METAP1D: variants seen among roughly 807,000 people sequenced by gnomAD.
METAP1D encodes methionyl aminopeptidase type 1D, mitochondrial.
In METAP1D, 31 loss-of-function variants were observed where a neutral mutation model predicts 40.5. That is an observed-to-expected ratio of 0.77 (90% CI 0.58 to 1.03). The LOEUF (loss-of-function observed/expected upper bound fraction) is 1.03. Among genes scored for constraint, METAP1D ranks in the 50% least tolerant of loss-of-function variants. The probability of loss-of-function intolerance (pLI) is 0.00; values close to 1 mark genes in which losing one functional copy is unlikely to be tolerated. For missense variants in METAP1D, 411 were observed against 420.7 expected (o/e 0.98, Z 0.20); for synonymous variants, 151 against 146.4 (o/e 1.03, Z -0.22).
At chr2:172,071,896 C>T (rs1303565132) in intron 6 of METAP1D, among the ~76,000 whole-genome samples, 1 of 152,140 alleles carries the variant, frequency 6.6e-6, no homozygotes, top group Non-Finnish European at 1.5e-5. Context: ...TGAAAAGATG[C>T]TGCCTTTTTT....
intron 1 of METAP1D, among the ~76,000 whole-genome samples, chr2:172,025,729 G>A (rs533900470): frequency 6.6e-6 from 1 of 152,034 alleles, no homozygotes; most frequent in African/African-American, 2.4e-5. Flanking sequence ...TTTTTTAAGA[G>A]TCTGGGTCGC....
At position 172,045,697 on chromosome 2, in the gene METAP1D, ATATGTG is replaced by A. The variant is rs57520818; in HGVS notation, c.41-15799_41-15794del. Among the ~76,000 whole-genome samples, 109 of 65,920 alleles carry A rather than the reference ATATGTG, an allele frequency of 1.7e-3. 1 individual carries two copies. The highest frequency in any genetic ancestry group is 4.8e-3 in the East Asian group (15 of 3,136). 43.2% of individuals were successfully genotyped at this position (65,920 alleles called of 152,430 possible). ...AAAAAAAAAAAAGGATCATTCATAT[ATATGTG>A]TGTGTGTGTGTGTGTGTGTGTGTGT... On this transcript the variant is annotated intron_variant, in intron 1 of 9. Coordinates refer to ENST00000315796, the MANE Select transcript of METAP1D (RefSeq NM_199227.3).
chr2:172,052,065 A>G (rs1176529697), intron 1 of METAP1D, among the ~76,000 whole-genome samples: 1 of 152,228 alleles, frequency 6.6e-6, no homozygotes, highest in Non-Finnish European at 1.5e-5. Flanking sequence ...TATTTCAGAC[A>G]AGTATTATGC....
At chr2:172,017,790 A>G (rs780553974) in intron 1 of METAP1D, among the ~76,000 whole-genome samples, 2 of 152,094 alleles carry the variant, frequency 1.3e-5, no homozygotes, top group Non-Finnish European at 1.5e-5. Flanking sequence ...CACTAGGTAA[A>G]GGAAAAGGAT....
intron 1 of METAP1D, among the ~76,000 whole-genome samples, chr2:172,035,676 G>T (rs1440651313): frequency 6.6e-6 from 1 of 151,262 alleles, no homozygotes; most frequent in Non-Finnish European, 1.5e-5. Flanking sequence ...TTGAGACAGG[G>T]TCTTCTTTGT....
At chr2:172,054,274 C>G (rs928246032) in intron 1 of METAP1D, among the ~76,000 whole-genome samples, 1 of 152,122 alleles carries the variant, frequency 6.6e-6, no homozygotes, top group Admixed American at 6.5e-5. Context: ...GTAATCCCAG[C>G]ACTTTGGGAG....
intron 5 of METAP1D, among the ~76,000 whole-genome samples, chr2:172,070,488 T>A (rs966361817): frequency 6.6e-6 from 1 of 152,218 alleles, no homozygotes; most frequent in Non-Finnish European, 1.5e-5. Flanking sequence ...CAAAATCAAG[T>A]AAGTCTTCAT....
chr2:172,077,666 T>C lies in METAP1D; in HGVS notation c.705-131T>C, dbSNP rs930119816. The C allele has an allele frequency of 4.5e-5, 24 of 534,764 alleles. No homozygotes were observed. In the Admixed American group the frequency reaches 8.2e-4, roughly 18 times the overall value. 33.1% of individuals were successfully genotyped at this position (534,764 alleles called of 1,614,324 possible). ...TTACAGCATAATGAAAACACATGAATGTTATTATCTGACTCTAAATATTAC... is the reference window on the plus strand; with the variant it reads ...TTACAGCATAATGAAAACACATGAACGTTATTATCTGACTCTAAATATTAC... On this transcript the variant is annotated intron_variant, in intron 6 of 9. Coordinates refer to ENST00000315796, the MANE Select transcript of METAP1D (RefSeq NM_199227.3).
chr2:172,080,536 TGGAAG>T lies in METAP1D; in HGVS notation c.*131_*135del. ...AACCTGCGTGGCTCCTGATAGCGTT[TGGAAG>T]AACGCGGGGGAGACTGAAGAGCAAC... On this transcript the variant is annotated 3_prime_UTR_variant, in exon 10 of 10. Coordinates refer to ENST00000315796, the MANE Select transcript of METAP1D (RefSeq NM_199227.3). 1 of 932,298 alleles carries T rather than the reference TGGAAG, an allele frequency of 1.1e-6. No individual in the cohort carries two copies. The allele number at this position is 932,298 out of a possible 1,614,324, so 57.8% of individuals were successfully genotyped here. A position where few individuals can be genotyped will look rare whatever the true frequency, so the allele number is the denominator to read the frequency against.
At chr2:172,019,389 A>T (rs955337642) in intron 1 of METAP1D, among the ~76,000 whole-genome samples, 1 of 152,142 alleles carries the variant, frequency 6.6e-6, no homozygotes, top group Non-Finnish European at 1.5e-5. Flanking sequence ...AAAATTTTCC[A>T]ACCGCAAAAC....
intron 1 of METAP1D, among the ~76,000 whole-genome samples, chr2:172,049,483 A>G (rs1689841132): frequency 6.6e-6 from 1 of 152,098 alleles, no homozygotes; most frequent in South Asian, 2.1e-4. Flanking sequence ...GTAAGCAGGC[A>G]TCTATGGAGC....
chr2:172,028,426 G>A (rs183171856), intron 1 of METAP1D, among the ~76,000 whole-genome samples: 1 of 152,330 alleles, frequency 6.6e-6, no homozygotes, highest in East Asian at 1.9e-4. Flanking sequence ...ATGGGAAGTT[G>A]AAACTATGTT....
intron 1 of METAP1D, among the ~76,000 whole-genome samples, chr2:172,031,791 A>G (rs1559001495): frequency 6.6e-6 from 1 of 152,220 alleles, no homozygotes; most frequent in Admixed American, 6.5e-5. Context: ...TGACTTAAAG[A>G]GGAGTGTTGT....
intron 1 of METAP1D, among the ~76,000 whole-genome samples, chr2:172,043,352 G>T (rs1330829845): frequency 7.6e-6 from 1 of 131,776 alleles, no homozygotes; most frequent in Non-Finnish European, 1.8e-5. Flanking sequence ...TATTTGGAAG[G>T]AAGGAGGATA....
chr2:172,016,300 A>AAAAAAAAATATAT (rs1553490378), intron 1 of METAP1D, among the ~76,000 whole-genome samples: 3 of 40,058 alleles, frequency 7.5e-5, no homozygotes, highest in Non-Finnish European at 1.4e-4. Flanking sequence ...AAAAAAAAAA[A>AAAAAAAAATATAT]ATATATATAT....
At chr2:172,041,406 C>T (rs958202930) in intron 1 of METAP1D, among the ~76,000 whole-genome samples, 2 of 126,364 alleles carry the variant, frequency 1.6e-5, no homozygotes, top group Non-Finnish European at 1.8e-5. Context: ...TTTCAGTGAG[C>T]CGATATCGTG....
At chr2:172,078,910 G>T (rs901674862) in intron 7 of METAP1D, among the ~76,000 whole-genome samples, 1 of 152,180 alleles carries the variant, frequency 6.6e-6, no homozygotes, top group Non-Finnish European at 1.5e-5. Flanking sequence ...TAGCCTGGGG[G>T]ACAGGGAGAG....
At chr2:172,043,012 T>C (rs60231166) in intron 1 of METAP1D, among the ~76,000 whole-genome samples, 60,870 of 89,532 alleles carry the variant, frequency 0.68, 21,370 homozygotes, top group Non-Finnish European at 0.75. Context: ...TATATGTGTA[T>C]GTGTACACAT....
At chr2:172,024,276 A>G (rs941745918) in intron 1 of METAP1D, among the ~76,000 whole-genome samples, 16 of 152,128 alleles carry the variant, frequency 1.1e-4, no homozygotes, top group South Asian at 6.2e-4. Flanking sequence ...GTGTACCTCC[A>G]TTTTAAATCC....
Sources: allele counts gnomAD v4.1 joint callset (sites outside exome capture counted in the v4.1 genomes callset), GRCh38; gene constraint gnomAD v4.1.1; transcripts MANE v1.5; gene names NCBI Gene and HGNC (gene_info 2026-07-23, HGNC 2026-07-21).